Variants in FOXN1 observed in about 807,000 individuals in gnomAD.
FOXN1 encodes the protein forkhead box protein N1.
A neutral mutation model predicts 49.0 loss-of-function variants in FOXN1; 15 were observed. That is an observed-to-expected ratio of 0.31 (90% CI 0.20 to 0.47). The LOEUF is 0.47. Ranked by LOEUF, FOXN1 falls within the 20% of genes least tolerant of loss-of-function variation. FOXN1 has a pLI of 1.00. For synonymous variants in FOXN1, 356 were observed against 369.0 expected (o/e 0.96, Z 0.40); for missense variants, 800 against 842.8 (o/e 0.95, Z 0.63).
chr17:28,515,039 A>G (rs1175923422), intron 1 of FOXN1, among the ~76,000 whole-genome samples: 1 of 152,106 alleles, frequency 6.6e-6, no homozygotes, highest in Admixed American at 6.5e-5. Context: ...AGTCAGGTTA[A>G]CTTCTCTGAG....
At position 28,537,780 on chromosome 17, in the gene FOXN1, CT is replaced by C; in HGVS notation, c.*346del. ...TTCAGATGTACACCCACCCACATAT[CT>C]TACAGCCAGAGGAACCAGCACTCCA... is the stretch of plus-strand genomic sequence containing the variant. On this transcript the variant is annotated 3_prime_UTR_variant, in exon 9 of 9. Coordinates refer to ENST00000579795, the MANE Select transcript of FOXN1 (RefSeq NM_001369369.1). The C allele has an allele frequency of 2.5e-6, 1 of 403,288 alleles. No individual in the cohort carries two copies. The highest frequency in any genetic ancestry group is 5.3e-5 in the East Asian group (1 of 18,752). 25.0% of individuals were successfully genotyped at this position (403,288 alleles called of 1,614,324 possible). A position where few individuals can be genotyped will look rare whatever the true frequency, so the allele number is the denominator to read the frequency against.
chr17:28,524,872 G>T lies in FOXN1; in HGVS notation c.493G>T (p.Val165Leu). The T allele has an allele frequency of 1.2e-6, 2 of 1,613,696 alleles. No individual in the cohort carries two copies. Among genetic ancestry groups the T allele is most frequent in the Non-Finnish European group, 1.7e-6 (2 of 1,180,014 alleles). ...GGCCTTCGAGGAGATCCCAGTGGACGTGGCGGAGGCCGAGGCCTTCCTGCC... is the reference window on the plus strand; with the variant it reads ...GGCCTTCGAGGAGATCCCAGTGGACTTGGCGGAGGCCGAGGCCTTCCTGCC... Reference protein sequence around the residue: ...LEAFEEIPVDVAEAEAFLPGF... With the variant: ...LEAFEEIPVDLAEAEAFLPGF... The change falls in exon 3 of 9, where the codon GTG becomes TTG. Residue 165 changes from valine (V) to leucine (L), a missense_variant. Transcript: ENST00000579795.
At chr17:28,530,289 C>G (rs1445610895) in intron 5 of FOXN1, among the ~76,000 whole-genome samples, 1 of 152,180 alleles carries the variant, frequency 6.6e-6, no homozygotes, top group Non-Finnish European at 1.5e-5. Flanking sequence ...AATGTAGGTA[C>G]TGTGCTTGGT....
chr17:28,520,581 G>A (rs1017082487), intron 1 of FOXN1, among the ~76,000 whole-genome samples: 3 of 152,174 alleles, frequency 2.0e-5, no homozygotes, highest in Admixed American at 1.3e-4. Context: ...TCCTGTCCCC[G>A]GGGGATTGGA....
chr17:28,514,835 G>A (rs962930362), intron 1 of FOXN1, among the ~76,000 whole-genome samples: 18 of 152,112 alleles, frequency 1.2e-4, no homozygotes, highest in Admixed American at 6.5e-5. Context: ...TGATTCAGTT[G>A]CCCACAGGGG....
At position 28,537,300 on chromosome 17, in the gene FOXN1, G is replaced by A. The variant is rs1377884054; in HGVS notation, c.1811G>A (p.Gly604Asp). 3 of 1,613,698 alleles carry A rather than the reference G, an allele frequency of 1.9e-6. No homozygotes were observed. Among genetic ancestry groups the A allele is most frequent in the Middle Eastern group, 1.6e-4 (1 of 6,084 alleles). Residue 604 changes from glycine (G) to aspartate (D), a missense_variant, in exon 9 of 9, where the codon GGC (glycine) becomes GAC (aspartate). Gly to Asp is a moderately conservative substitution (Grantham distance 94, BLOSUM62 -1). Transcript: ENST00000579795. ...AGDLAAPGSG[G>D]SGALGDLHLT... is the part of the protein sequence containing the mutation. ...GACTTGGCAGCCCCGGGCAGTGGTG[G>A]CTCCGGGGCACTGGGTGACCTGCAC...
intron 1 of FOXN1, among the ~76,000 whole-genome samples, chr17:28,513,215 G>A (rs2069427837): frequency 6.6e-6 from 1 of 152,116 alleles, no homozygotes; most frequent in South Asian, 2.1e-4. Flanking sequence ...GTTGCAGTGA[G>A]CCAAGATTGC....
intron 1 of FOXN1, among the ~76,000 whole-genome samples, chr17:28,514,700 G>C (rs2069460542): frequency 6.6e-6 from 1 of 152,112 alleles, no homozygotes; most frequent in Non-Finnish European, 1.5e-5. Context: ...AAACCATTAA[G>C]GTGGAACTGA....
chr17:28,524,091 G>A lies in FOXN1; in HGVS notation c.122G>A (p.Ser41Asn), dbSNP rs1460425230. 6.3e-7 allele frequency: 1 copy of A among 1,596,218 alleles called. No homozygotes were observed. Among genetic ancestry groups the A allele is most frequent in the Non-Finnish European group, 8.5e-7 (1 of 1,172,340 alleles). The change falls in exon 2 of 9, where the codon AGT becomes AAT. Residue 41 changes from serine (S) to asparagine (N), a missense_variant and splice_region_variant. By Grantham distance (46) the Ser-to-Asn change is conservative. Around this residue, in one of 3 missense-constraint regions of FOXN1, gnomAD observed 383 missense variants for 357.9 expected, o/e 1.07. Transcript: ENST00000579795. ...CTCCCAGGCTCCCCTGCCCCACAGA[G>A]TGTAAGTACCCGGCATCTGGGCCTG... ...PGLPGSPAPQ[S>N]KHAGFSCSSF...
At chr17:28,516,782 A>C (rs1436612735) in intron 1 of FOXN1, among the ~76,000 whole-genome samples, 123 of 50,286 alleles carry the variant, frequency 2.4e-3, no homozygotes, top group African/African-American at 3.4e-3. Flanking sequence ...TCCATACCTC[A>C]AAAGGGTACA....
intron 1 of FOXN1, among the ~76,000 whole-genome samples, chr17:28,513,302 T>C (rs1357056686): frequency 6.6e-6 from 1 of 152,090 alleles, no homozygotes. Flanking sequence ...GAATAAACAT[T>C]CACGGGTAGG....
intron 5 of FOXN1, among the ~76,000 whole-genome samples, chr17:28,530,483 T>C (rs1222720873): frequency 6.6e-6 from 1 of 152,228 alleles, no homozygotes; most frequent in Non-Finnish European, 1.5e-5. Context: ...TTGAGGAAAC[T>C]GAGGTTCAGA....
chr17:28,532,763 G>A (rs139921262), intron 6 of FOXN1, among the ~76,000 whole-genome samples: 1 of 152,240 alleles, frequency 6.6e-6, no homozygotes, highest in African/African-American at 2.4e-5. Flanking sequence ...GGCTGGGGAA[G>A]TGTCCAGCCA....
chr17:28,521,774 C>A (rs149761844), intron 1 of FOXN1, among the ~76,000 whole-genome samples: 1 of 152,222 alleles, frequency 6.6e-6, no homozygotes, highest in African/African-American at 2.4e-5. Flanking sequence ...AATTGCCTCC[C>A]CTCATTTTCC....
chr17:28,529,117 C>T lies in FOXN1; in HGVS notation c.723C>T (p.Tyr241=). 2 of 1,614,148 alleles carry T rather than the reference C, an allele frequency of 1.2e-6. No individual in the cohort carries two copies. The highest frequency in any genetic ancestry group is 1.1e-5 in the South Asian group (1 of 91,090). Residue 241 remains tyrosine (Y), a synonymous_variant, in exon 5 of 9, where the codon TAC becomes TAT. Coordinates refer to ENST00000579795, the MANE Select transcript of FOXN1 (RefSeq NM_001369369.1). The part of the protein sequence containing the change: ...FHQYSPGGGS[Y]PIPYLGSSHY... ...AGTACTCGCCAGGTGGTGGCAGCTA[C>T]CCCATACCCTACCTGGGCTCCTCAC...
At chr17:28,509,789 G>A (rs577378128) in intron 1 of FOXN1, among the ~76,000 whole-genome samples, 4 of 152,364 alleles carry the variant, frequency 2.6e-5, no homozygotes, top group Middle Eastern at 3.4e-3. Context: ...AGCGGGGCCG[G>A]GGCAGGCTTT....
intron 1 of FOXN1, 57 bp from the exon 2 acceptor site, chr17:28,523,899 G>T (rs546357653): frequency 4.9e-4 from 787 of 1,595,090 alleles, no homozygotes; most frequent in Non-Finnish European, 6.0e-4. Context: ...TGGCGAACCT[G>T]GGTTGGTCCC....
chr17:28,528,697 C>A (rs562288507), intron 4 of FOXN1, among the ~76,000 whole-genome samples: 1 of 152,310 alleles, frequency 6.6e-6, no homozygotes, highest in East Asian at 1.9e-4. Context: ...GTGGCAGTGC[C>A]CAGCAAACGC....
At chr17:28,521,501 A>C (rs1188069285) in intron 1 of FOXN1, among the ~76,000 whole-genome samples, 1 of 152,324 alleles carries the variant, frequency 6.6e-6, no homozygotes, top group South Asian at 2.1e-4. Context: ...AGTGATGCGG[A>C]GCGGGAGGTG....
Sources: allele counts gnomAD v4.1 joint callset (sites outside exome capture counted in the v4.1 genomes callset), GRCh38; gene constraint gnomAD v4.1.1; regional missense constraint gnomAD v4.1.1; transcripts MANE v1.5; gene names NCBI Gene and HGNC (gene_info 2026-07-23, HGNC 2026-07-21).